CA10: variants seen among roughly 807,000 people sequenced by gnomAD.
CA10 encodes the protein carbonic anhydrase-related protein 10.
In CA10, 14 loss-of-function variants were observed where a neutral mutation model predicts 44.2. That is an observed-to-expected ratio of 0.32 (90% confidence interval 0.21 to 0.50). The LOEUF (loss-of-function observed/expected upper bound fraction) is 0.50. Ranked by LOEUF, CA10 falls within the 20% of genes least tolerant of loss-of-function variation. The pLI, the probability that CA10 is intolerant of heterozygous loss-of-function variation, is 0.99. For synonymous variants in CA10, 159 were observed against 141.6 expected, an observed-to-expected ratio of 1.12 and a Z score of -0.87; for missense variants, 350 against 409.7, an observed-to-expected ratio of 0.85 and a Z score of 1.26.
rs137947330 is a variant in CA10 at position 51,839,645 on chromosome 17, G to T, written c.279+91345C>A. Among the ~76,000 whole-genome samples the T allele has an allele frequency of 3.7e-4, 56 of 151,774 alleles. No homozygotes were observed. The East Asian group carries it at 7.8e-3, about 21-fold the overall frequency. The stretch of plus-strand genomic sequence containing the variant: ...TGCTCCAGGTATGAACTGATAACTA[G>T]ACATATAAAGTAATGACAGGGGACC... On this transcript the variant is annotated intron_variant, in intron 3 of 8. Coordinates refer to ENST00000451037, the MANE Select transcript of CA10 (RefSeq NM_020178.5).
chr17:51,789,470 A>G (rs1313109222), intron 3 of CA10, among the ~76,000 whole-genome samples: 2 of 152,332 alleles, frequency 1.3e-5, no homozygotes, highest in Non-Finnish European at 1.5e-5. Context: ...CCATCAACAA[A>G]TCCTGGCAAG....
At chr17:51,670,186 G>A (rs1159516025) in intron 4 of CA10, among the ~76,000 whole-genome samples, 1 of 152,172 alleles carries the variant, frequency 6.6e-6, no homozygotes, top group Non-Finnish European at 1.5e-5. Context: ...GCATGAAAAT[G>A]GACCCTTGCC....
chr17:51,678,993 T>C (rs183878263), intron 4 of CA10, among the ~76,000 whole-genome samples: 220 of 152,334 alleles, frequency 1.4e-3, no homozygotes, highest in African/African-American at 5.1e-3. Flanking sequence ...GCTTTCTCCG[T>C]TCATTCATTC....
chr17:51,680,656 A>G (rs942935831), intron 4 of CA10, among the ~76,000 whole-genome samples: 1 of 152,214 alleles, frequency 6.6e-6, no homozygotes, highest in African/African-American at 2.4e-5. Context: ...CCCAGGAGTC[A>G]AGAATGCTAA....
intron 2 of CA10, among the ~76,000 whole-genome samples, chr17:52,068,651 A>C (rs1449125225): frequency 1.3e-5 from 2 of 152,190 alleles, no homozygotes; most frequent in Admixed American, 1.3e-4. Flanking sequence ...TCAAGCAGTA[A>C]GAAGTTTGTT....
At chr17:51,648,932 G>A (rs1030900603) in intron 6 of CA10, among the ~76,000 whole-genome samples, 17 of 152,068 alleles carry the variant, frequency 1.1e-4, no homozygotes, top group Non-Finnish European at 2.4e-4. Flanking sequence ...ACCAATCTAT[G>A]GGATAACGAT....
At chr17:52,084,958 G>A (rs1458881572) in intron 1 of CA10, among the ~76,000 whole-genome samples, 1 of 152,136 alleles carries the variant, frequency 6.6e-6, no homozygotes, top group African/African-American at 2.4e-5. Context: ...GCCGGGATGT[G>A]GACATCATAG....
intron 1 of CA10, among the ~76,000 whole-genome samples, chr17:52,094,397 C>T (rs1017381129): frequency 1.3e-5 from 2 of 151,434 alleles, no homozygotes; most frequent in Non-Finnish European, 2.9e-5. Flanking sequence ...AGGAATGTAT[C>T]GTCAGGAAAC....
intron 3 of CA10, among the ~76,000 whole-genome samples, chr17:51,831,064 C>T (rs1171091678): frequency 1.3e-5 from 2 of 152,176 alleles, no homozygotes; most frequent in Non-Finnish European, 2.9e-5. Context: ...TGGGCACTCA[C>T]TATTCTGAGA....
intron 3 of CA10, among the ~76,000 whole-genome samples, chr17:51,786,130 T>C (rs1194574915): frequency 6.6e-6 from 1 of 152,220 alleles, no homozygotes; most frequent in Non-Finnish European, 1.5e-5. Context: ...TGTTGGCATA[T>C]AGAAATGCTA....
intron 2 of CA10, among the ~76,000 whole-genome samples, chr17:51,936,519 T>G (rs989983270): frequency 8.6e-6 from 1 of 116,412 alleles, no homozygotes; most frequent in South Asian, 4.0e-4. Flanking sequence ...AAGTGAGCAG[T>G]CTTGGCAGAG....
intron 4 of CA10, among the ~76,000 whole-genome samples, chr17:51,738,138 T>A (rs1049802558): frequency 6.6e-6 from 1 of 152,198 alleles, no homozygotes; most frequent in Admixed American, 6.5e-5. Context: ...AGTACAGTAA[T>A]TAGTTCATAT....
At chr17:51,983,921 G>T (rs1258631327) in intron 2 of CA10, among the ~76,000 whole-genome samples, 2 of 151,684 alleles carry the variant, frequency 1.3e-5, no homozygotes, top group Non-Finnish European at 3.0e-5. Flanking sequence ...CAACTATTTT[G>T]GTAAGAGCAC....
intron 3 of CA10, among the ~76,000 whole-genome samples, chr17:51,876,302 G>A (rs554579302): frequency 1.3e-5 from 2 of 150,156 alleles, no homozygotes; most frequent in Non-Finnish European, 3.0e-5. Context: ...GAGTAGCTGG[G>A]ACTACAGGTG....
intron 2 of CA10, among the ~76,000 whole-genome samples, chr17:51,944,859 T>A (rs2144022557): frequency 6.6e-6 from 1 of 152,258 alleles, no homozygotes; most frequent in South Asian, 2.1e-4. Context: ...TACAGAGAAT[T>A]ATATTCTGTT....
intron 3 of CA10, among the ~76,000 whole-genome samples, chr17:51,819,491 G>A (rs974563590): frequency 3.3e-5 from 5 of 152,182 alleles, no homozygotes; most frequent in African/African-American, 9.7e-5. Flanking sequence ...TCACAGGCTC[G>A]CTGGCTTACA....
At chr17:52,031,499 C>A (rs371173069) in intron 2 of CA10, among the ~76,000 whole-genome samples, 2 of 152,142 alleles carry the variant, frequency 1.3e-5, no homozygotes, top group Non-Finnish European at 2.9e-5. Context: ...TACTTAACTG[C>A]ACCCAATCTT....
At chr17:51,946,763 A>C (rs974227915) in intron 2 of CA10, among the ~76,000 whole-genome samples, 1 of 152,160 alleles carries the variant, frequency 6.6e-6, no homozygotes, top group African/African-American at 2.4e-5. Context: ...GCCATTTGTA[A>C]CATGTCTTAT....
intron 1 of CA10, among the ~76,000 whole-genome samples, chr17:52,076,243 C>T (rs1598202100): frequency 6.6e-6 from 1 of 152,064 alleles, no homozygotes. Flanking sequence ...AGAAAGAAGC[C>T]CCTGGGTAAG....
Sources: gnomAD v4.1 joint callset for allele counts (sites outside exome capture counted in the v4.1 genomes callset) on GRCh38, gnomAD v4.1.1 for gene constraint, MANE v1.5 for transcripts, NCBI Gene and HGNC (gene_info 2026-07-23, HGNC 2026-07-21) for gene names.